SIK3: variants seen among roughly 807,000 people sequenced by gnomAD.
SIK3 encodes the protein SIK family kinase 3.
SIK3 carries 28 observed loss-of-function variants against 144.2 expected under a neutral mutation model. That is an observed-to-expected ratio of 0.19 (90% CI 0.14 to 0.27). The LOEUF is 0.27. Ranked by LOEUF, SIK3 falls within the 10% of genes least tolerant of loss-of-function variation. The pLI, the probability that SIK3 is intolerant of heterozygous loss-of-function variation, is 1.00. For missense variants in SIK3, 1,319 were observed against 1,776.0 expected, an observed-to-expected ratio of 0.74 and a Z score of 4.62; for synonymous variants, 686 against 676.3, an observed-to-expected ratio of 1.01 and a Z score of -0.22.
intron 1 of SIK3, among the ~76,000 whole-genome samples, chr11:117,005,263 G>C (rs1591520167): frequency 6.8e-6 from 1 of 147,606 alleles, no homozygotes; most frequent in East Asian, 2.0e-4. Context: ...GCCAACCCAG[G>C]AGGTGAAGGC....
At chr11:116,943,821 T>G (rs1383732097) in intron 3 of SIK3, among the ~76,000 whole-genome samples, 1 of 152,078 alleles carries the variant, frequency 6.6e-6, no homozygotes, top group Non-Finnish European at 1.5e-5. Flanking sequence ...TCCCCCTCTC[T>G]TATCTTAACC....
intron 16 of SIK3, 22 bp downstream of exon 16, chr11:116,863,646 T>G (rs1272090640): frequency 1.2e-6 from 2 of 1,613,526 alleles, no homozygotes; most frequent in Non-Finnish European, 1.7e-6. Flanking sequence ...CCTCCAGGGA[T>G]GCCTGCCACC....
chr11:116,937,855 T>C (rs1291606931), intron 3 of SIK3, among the ~76,000 whole-genome samples: 1 of 152,130 alleles, frequency 6.6e-6, no homozygotes, highest in Non-Finnish European at 1.5e-5. Context: ...CCAGTAGCAC[T>C]AACGAGCATC....
intron 17 of SIK3, 58 bp downstream of exon 17, chr11:116,862,144 A>G: frequency 1.2e-6 from 2 of 1,612,882 alleles, no homozygotes; most frequent in Non-Finnish European, 1.7e-6. Flanking sequence ...ATGCACAGGC[A>G]AATCAGCCTG....
At chr11:116,977,831 T>TA (rs1392420401) in intron 1 of SIK3, among the ~76,000 whole-genome samples, 3 of 152,156 alleles carry the variant, frequency 2.0e-5, no homozygotes, top group Non-Finnish European at 4.4e-5. Context: ...GCTCTCTATT[T>TA]AGCAAGGTTG....
chr11:117,033,096 C>A (rs1352246314), intron 1 of SIK3, among the ~76,000 whole-genome samples: 5 of 152,136 alleles, frequency 3.3e-5, no homozygotes, highest in Admixed American at 2.6e-4. Context: ...ATGTGAAATT[C>A]TTTAAAATGC....
chr11:117,019,761 G>T (rs943586293), intron 1 of SIK3, among the ~76,000 whole-genome samples: 12 of 151,824 alleles, frequency 7.9e-5, no homozygotes, highest in African/African-American at 2.9e-4. Flanking sequence ...CTACAGGCGC[G>T]TGCCACCACG....
intron 1 of SIK3, among the ~76,000 whole-genome samples, chr11:117,038,364 T>C (rs922091153): frequency 6.6e-6 from 1 of 151,624 alleles, no homozygotes; most frequent in African/African-American, 2.4e-5. Flanking sequence ...AGATACTTTT[T>C]TTTTTTTTTT....
intron 3 of SIK3, among the ~76,000 whole-genome samples, chr11:116,938,610 G>A (rs1339328510): frequency 1.5e-4 from 11 of 72,464 alleles, no homozygotes; most frequent in Non-Finnish European, 2.2e-4. Flanking sequence ...GGAGAGGAGA[G>A]GAGAGGGGAG....
In SIK3 at chr11:116,861,863, G is replaced by C; in HGVS notation, c.2293C>G (p.Leu765Val). 6.2e-7 allele frequency: 1 copy of C among 1,612,224 alleles called. No homozygotes were observed. The highest frequency in any genetic ancestry group is 1.1e-5 in the South Asian group (1 of 90,490). The change falls in exon 18 of 25, where the codon CTC becomes GTC. Residue 765 changes from leucine to valine, a missense_variant. Leu to Val is a conservative substitution (Grantham distance 32, BLOSUM62 1). This residue lies in a region of SIK3 where 77 missense variants were observed against 141.9 expected (regional missense o/e 0.54). Transcript: ENST00000445177. ...TACCTCTGGAGCTGATGGGTAAGGA[G>C]GGCTGGCTGATTTTCACATGCAGCC... Reference protein sequence around the residue: ...LQAACENQPALLTHQLQRLRI... With the variant: ...LQAACENQPAVLTHQLQRLRI...
chr11:116,936,408 T>G (rs1947924155), intron 3 of SIK3, among the ~76,000 whole-genome samples: 1 of 152,120 alleles, frequency 6.6e-6, no homozygotes, highest in Non-Finnish European at 1.5e-5. Flanking sequence ...ACTCTTTACC[T>G]CAAGTAATGC....
chr11:117,069,292 A>C (rs576873572), intron 1 of SIK3, among the ~76,000 whole-genome samples: 1 of 152,092 alleles, frequency 6.6e-6, no homozygotes, highest in East Asian at 1.9e-4. Context: ...CAGCTTAGAC[A>C]GTTATAAATA....
chr11:117,061,718 T>G (rs1953802681), intron 1 of SIK3, among the ~76,000 whole-genome samples: 1 of 152,188 alleles, frequency 6.6e-6, no homozygotes, highest in African/African-American at 2.4e-5. Flanking sequence ...GTAATTGCTG[T>G]GCATATTTAA....
At chr11:116,915,124 ATGTG>A (rs35059138) in intron 4 of SIK3, among the ~76,000 whole-genome samples, 94 of 129,964 alleles carry the variant, frequency 7.2e-4, no homozygotes, top group East Asian at 5.1e-3. Context: ...GAAGCCATAT[ATGTG>A]TGTGTGTGTG....
chr11:116,916,677 A>AT (rs1238371262), intron 4 of SIK3, among the ~76,000 whole-genome samples: 3 of 150,138 alleles, frequency 2.0e-5, no homozygotes, highest in African/African-American at 4.9e-5. Context: ...CGCCCGGCTA[A>AT]TTTTTTGTAT....
intron 3 of SIK3, among the ~76,000 whole-genome samples, chr11:116,936,455 C>T (rs11493798): frequency 0.46 from 69,432 of 152,102 alleles, 19,219 homozygotes; most frequent in Non-Finnish European, 0.64. Context: ...GGATTACAGG[C>T]GTGAGCCACA....
intron 1 of SIK3, among the ~76,000 whole-genome samples, chr11:117,013,915 G>GGGGGGGGGGGTGTGTGTGT (rs1206309055): frequency 8.5e-5 from 2 of 23,618 alleles, no homozygotes; most frequent in African/African-American, 8.7e-5. Flanking sequence ...GGGGGGGGAG[G>GGGGGGGGGGGTGTGTGTGT]GTGTGTGTGT....
chr11:116,987,332 A>AAC (rs1555118754), intron 1 of SIK3, among the ~76,000 whole-genome samples: 17 of 151,236 alleles, frequency 1.1e-4, no homozygotes, highest in South Asian at 2.1e-4. Flanking sequence ...AAAAAAAAAA[A>AAC]AAAAAACACA....
In SIK3 at chr11:116,936,358, T is replaced by C. The variant is rs146197080; in HGVS notation, c.455-8978A>G. ...GCCCAGCTAATTTTTGTATTTTTAA[T>C]AGAGACGGAGTTTCACCATGTTGGT... On this transcript the variant is annotated intron_variant, in intron 3 of 24. Transcript: ENST00000445177. Among the ~76,000 whole-genome samples the C allele has an allele frequency of 5.8e-4, 88 of 152,280 alleles. 1 individual carries two copies. The highest frequency in any genetic ancestry group is 2.0e-3 in the African/African-American group (84 of 41,562).
Sources: allele counts gnomAD v4.1 joint callset (sites outside exome capture counted in the v4.1 genomes callset), GRCh38; gene constraint gnomAD v4.1.1; regional missense constraint gnomAD v4.1.1; transcripts MANE v1.5; gene names NCBI Gene and HGNC (gene_info 2026-07-23, HGNC 2026-07-21).